BLTP2: variants seen among roughly 807,000 people sequenced by gnomAD.
The protein encoded by BLTP2 is U937-associated antigen.
chr17:28,634,599 T>C, the BLTP2 span: 12 of 1,614,238 alleles, frequency 7.4e-6, no homozygotes, highest in Non-Finnish European at 1.0e-5. Context: ...AAGGGCTGCC[T>C]GGATCAAGCT....
the BLTP2 span, chr17:28,639,981 C>A: frequency 1.9e-6 from 3 of 1,614,016 alleles, no homozygotes; most frequent in East Asian, 2.2e-5. Context: ...ATCCTCATCA[C>A]GGTGGTACAG....
chr17:28,637,130 G>A, the BLTP2 span: 1 of 1,614,146 alleles, frequency 6.2e-7, no homozygotes, highest in South Asian at 1.1e-5. Flanking sequence ...TCTCTGCACT[G>A]CCCAGGATAG....
the BLTP2 span, chr17:28,633,028 A>G: frequency 1.3e-6 from 2 of 1,585,676 alleles, no homozygotes; most frequent in Admixed American, 3.7e-5. Flanking sequence ...AAGCTGGCCC[A>G]AGGGCACCTC....
chr17:28,636,956 G>A, the BLTP2 span: 20 of 1,612,362 alleles, frequency 1.2e-5, no homozygotes, highest in Admixed American at 1.7e-5. Flanking sequence ...CTCTCCACAG[G>A]AACATTACCT....
the BLTP2 span, chr17:28,633,876 C>G: frequency 6.2e-7 from 1 of 1,612,154 alleles, no homozygotes; most frequent in Admixed American, 1.7e-5. Context: ...GCCAAACCAA[C>G]TGCCTCATCT....
the BLTP2 span, among the ~76,000 whole-genome samples, chr17:28,625,399 T>C: frequency 1.2e-5 from 1 of 86,176 alleles, no homozygotes; most frequent in African/African-American, 4.6e-5. Context: ...AATGGAAAAA[T>C]ACATAAAAAT....
chr17:28,625,254 T>C, the BLTP2 span, among the ~76,000 whole-genome samples: 117 of 134,774 alleles, frequency 8.7e-4, no homozygotes, highest in African/African-American at 2.8e-3. Context: ...AAGAATAGCT[T>C]GAATCCAGGA....
At chr17:28,637,839 C>A in the BLTP2 span, 5 of 1,613,558 alleles carry the variant, frequency 3.1e-6, no homozygotes, top group Non-Finnish European at 4.2e-6. Context: ...CACTTACCAA[C>A]CAAGGCAGAA....
At chr17:28,633,857 C>T in the BLTP2 span, 24 of 1,608,154 alleles carry the variant, frequency 1.5e-5, no homozygotes, top group South Asian at 1.5e-4. Flanking sequence ...CCATCACAAA[C>T]GTCCCTCAGC....
chr17:28,640,395 A>AAAT, the BLTP2 span: 1 of 712,998 alleles, frequency 1.4e-6, no homozygotes, highest in African/African-American at 1.8e-5. Flanking sequence ...TCCGTCTCAA[A>AAAT]AATAATAATA....
At chr17:28,628,692 TGGG>T in the BLTP2 span, 11 of 742,124 alleles carry the variant, frequency 1.5e-5, no homozygotes, top group Non-Finnish European at 1.9e-5. Context: ...CCCAGCACTT[TGGG>T]AGGCCGAAGT....
chr17:28,640,599 T>C, the BLTP2 span: 1 of 1,614,152 alleles, frequency 6.2e-7, no homozygotes, highest in African/African-American at 1.3e-5. Flanking sequence ...GCTTGTGTTC[T>C]CCATCTTAAC....
the BLTP2 span, among the ~76,000 whole-genome samples, chr17:28,641,379 C>T: frequency 6.6e-6 from 1 of 152,038 alleles, no homozygotes; most frequent in African/African-American, 2.4e-5. Context: ...TGGTGGCTCA[C>T]GCCTGTAATC....
the BLTP2 span, chr17:28,634,904 C>T: frequency 1.9e-6 from 3 of 1,613,892 alleles, no homozygotes; most frequent in South Asian, 1.1e-5. Flanking sequence ...TTCATCAGCT[C>T]GTAGTTATCA....
chr17:28,634,630 T>G, the BLTP2 span: 50 of 1,614,092 alleles, frequency 3.1e-5, no homozygotes, highest in Non-Finnish European at 4.2e-5. Flanking sequence ...TTCTACCACA[T>G]GCTCAGGACC....
chr17:28,632,807 A>C, the BLTP2 span: 1 of 594,312 alleles, frequency 1.7e-6, no homozygotes, highest in African/African-American at 1.9e-5. Flanking sequence ...AAAACAAAAA[A>C]AAAGGTCCTA....
the BLTP2 span, chr17:28,645,017 C>T: frequency 6.3e-7 from 1 of 1,599,274 alleles, no homozygotes; most frequent in African/African-American, 1.3e-5. Flanking sequence ...CTAAGCGCAA[C>T]TAGCAGCAAG....
the BLTP2 span, among the ~76,000 whole-genome samples, chr17:28,641,648 A>T: frequency 5.4e-3 from 805 of 148,632 alleles, 4 homozygotes; most frequent in Non-Finnish European, 7.7e-3. Context: ...CTTTTTTTTT[A>T]AAAAAAAAGG....
chr17:28,634,006 T>A, the BLTP2 span: 8 of 1,613,976 alleles, frequency 5.0e-6, no homozygotes, highest in Non-Finnish European at 6.8e-6. Context: ...GGCTGACCAC[T>A]CTGCTCGGTG....
Sources: allele counts gnomAD v4.1 joint callset (sites outside exome capture counted in the v4.1 genomes callset), GRCh38; gene constraint gnomAD v4.1.1; transcripts MANE v1.5; gene names NCBI Gene and HGNC (gene_info 2026-07-23, HGNC 2026-07-21).